The following MTOR variants were observed in gnomAD, a reference collection of about 807,000 sequenced individuals.
The protein encoded by MTOR is mechanistic target of rapamycin kinase, also known as serine/threonine-protein kinase mTOR.
In MTOR, 70 loss-of-function variants were observed where a neutral mutation model predicts 319.8. That is an observed-to-expected ratio of 0.22 (90% CI 0.18 to 0.27). MTOR has a LOEUF of 0.27. Among genes scored for constraint, MTOR ranks in the 10% least tolerant of loss-of-function variants. MTOR has a pLI of 1.00. For synonymous variants in MTOR, 1,183 were observed against 1,211.4 expected (o/e 0.98, Z 0.49); for missense variants, 1,890 against 3,274.4 (o/e 0.58, Z 10.32).
intron 28 of MTOR, chr1:11,192,464 A>T (rs1645579245): frequency 8.6e-7 from 1 of 1,160,438 alleles, no homozygotes; most frequent in African/African-American, 1.5e-5. Context: ...GTTTAAAGAA[A>T]GGAAAATTCG....
intron 29 of MTOR, among the ~76,000 whole-genome samples, chr1:11,157,687 C>T (rs1053458981): frequency 7.9e-5 from 12 of 152,134 alleles, no homozygotes; most frequent in Non-Finnish European, 1.5e-4. Context: ...GCCATCGCTC[C>T]GATCTGCTGG....
At chr1:11,244,685 G>A (rs891724221) in intron 8 of MTOR, among the ~76,000 whole-genome samples, 6 of 152,296 alleles carry the variant, frequency 3.9e-5, no homozygotes, top group Admixed American at 6.5e-5. Context: ...ACTTAACAAC[G>A]TTTGGGTTAA....
intron 28 of MTOR, chr1:11,194,397 G>T (rs1645691953): frequency 6.8e-7 from 1 of 1,480,034 alleles, no homozygotes; most frequent in African/African-American, 1.4e-5. Flanking sequence ...GGAGAGAAGG[G>T]GTATAGAGAC....
At position 11,212,314 on chromosome 1, in the gene MTOR, T is replaced by G; in HGVS notation, c.3559A>C (p.Lys1187Gln). The change falls in exon 23 of 58, where the codon AAG becomes CAG. Residue 1187 changes from lysine to glutamine, a missense_variant and splice_region_variant. Around this residue, in one of 15 missense-constraint regions of MTOR, gnomAD observed 115 missense variants for 105.7 expected, o/e 1.09. Transcript: ENST00000361445. This position sits in a 1 kb window ranked among gnomAD's most constrained non-coding sequence, Gnocchi z 4.1. ...LSSLVFQLGK[K>Q]YQIFIPMVNK... Reference sequence around the variant, plus strand: ...GTCTGTCCAGACTCCCATCTTACCTTCTTCCCCAGCTGAAAAACAAGTGAA... The same window carrying G: ...GTCTGTCCAGACTCCCATCTTACCTGCTTCCCCAGCTGAAAAACAAGTGAA... 6.2e-7 allele frequency: 1 copy of G among 1,613,282 alleles called. No individual in the cohort carries two copies. Among genetic ancestry groups the G allele is most frequent in the Non-Finnish European group, 8.5e-7 (1 of 1,179,588 alleles).
At chr1:11,243,347 G>T (rs1277150927) in intron 8 of MTOR, 47 bp from the exon 9 acceptor site, 1 of 1,561,438 alleles carries the variant, frequency 6.4e-7, no homozygotes, top group Non-Finnish European at 8.7e-7. Flanking sequence ...CAGGGTTAGG[G>T]TCTACATATC....
At position 11,203,361 on chromosome 1, in the gene MTOR, A is replaced by T. The variant is rs1332839383; in HGVS notation, c.3944+1200T>A. Among the ~76,000 whole-genome samples the T allele has an allele frequency of 2.6e-5, 4 of 152,362 alleles. No individual in the cohort carries two copies. In the East Asian group the frequency reaches 7.7e-4, roughly 29 times the overall value. On this transcript the variant is annotated intron_variant, in intron 26 of 57. Transcript: ENST00000361445. The stretch of plus-strand genomic sequence containing the variant: ...GAAATATCACATGTACTTTGAAAAT[A>T]TATGTACATCTATTATGTATCAATA...
At chr1:11,156,147 C>T (rs372550640) in intron 30 of MTOR, among the ~76,000 whole-genome samples, 27 of 152,124 alleles carry the variant, frequency 1.8e-4, no homozygotes, top group Non-Finnish European at 2.5e-4. Flanking sequence ...TGCAACACCA[C>T]GTCCAACTAA....
intron 26 of MTOR, among the ~76,000 whole-genome samples, chr1:11,202,490 A>AAAT (rs1646007403): frequency 1.3e-5 from 2 of 151,810 alleles, no homozygotes; most frequent in East Asian, 3.9e-4. Flanking sequence ...GAGGGATGAG[A>AAAT]AATTACCTGA....
intron 28 of MTOR, among the ~76,000 whole-genome samples, chr1:11,179,611 T>C (rs757666187): frequency 1.3e-5 from 2 of 152,220 alleles, no homozygotes; most frequent in Non-Finnish European, 2.9e-5. Flanking sequence ...TGAAGAGCCT[T>C]CCCTGGGGTT....
chr1:11,261,497 G>A (rs748136867), intron 1 of MTOR, among the ~76,000 whole-genome samples: 1 of 151,866 alleles, frequency 6.6e-6, no homozygotes, highest in Non-Finnish European at 1.5e-5. Flanking sequence ...ACACCAATTA[G>A]TTCCTGAGCT....
At chr1:11,230,341 A>C (rs1413975647) in intron 18 of MTOR, among the ~76,000 whole-genome samples, 1 of 151,988 alleles carries the variant, frequency 6.6e-6, no homozygotes, top group Non-Finnish European at 1.5e-5. Flanking sequence ...AATTGCTTGA[A>C]CTCGGGAGGC....
chr1:11,152,009 C>T (rs112759812), intron 30 of MTOR, among the ~76,000 whole-genome samples: 1,648 of 152,338 alleles, frequency 0.011, 15 homozygotes, highest in Non-Finnish European at 0.015. Context: ...GTAGGAACAG[C>T]AACTCAGAAG....
Position 11,114,906 on chromosome 1 carries a change from G to C in MTOR, c.7090-19C>G. 6.2e-7 allele frequency: 1 copy of C among 1,609,848 alleles called. No individual in the cohort carries two copies. The highest frequency in any genetic ancestry group is 8.5e-7 in the Non-Finnish European group (1 of 1,176,226). Reference sequence around the variant, plus strand: ...TAGCAACCTACAGAATAATAAATGGGAAAAGCCAAATCAATGTTTATTTTC... The same window carrying C: ...TAGCAACCTACAGAATAATAAATGGCAAAAGCCAAATCAATGTTTATTTTC... On this transcript the variant is annotated intron_variant, in intron 51 of 57. Transcript: ENST00000361445.
intron 28 of MTOR, among the ~76,000 whole-genome samples, chr1:11,193,061 C>T (rs1422281154): frequency 1.3e-5 from 2 of 152,016 alleles, no homozygotes. Flanking sequence ...ACCTGTAATC[C>T]CAAGTTTTTT....
chr1:11,178,358 T>C (rs950419066), intron 28 of MTOR, among the ~76,000 whole-genome samples: 7 of 152,104 alleles, frequency 4.6e-5, no homozygotes, highest in Admixed American at 4.6e-4. Context: ...AACCCCAGAA[T>C]GTCAAAGCAC....
chr1:11,221,488 T>C (rs901698831), intron 19 of MTOR, among the ~76,000 whole-genome samples: 9 of 151,768 alleles, frequency 5.9e-5, no homozygotes, highest in Non-Finnish European at 1.2e-4. Flanking sequence ...AATATATATA[T>C]ATGTATGTAA....
chr1:11,258,628 T>C, intron 2 of MTOR, 35 bp from the exon 3 acceptor site: 2 of 1,514,798 alleles, frequency 1.3e-6, no homozygotes, highest in Non-Finnish European at 1.8e-6. Context: ...CAATTTCTAA[T>C]AATTCTCTAA....
At chr1:11,189,404 A>G (rs1156866701) in intron 28 of MTOR, 1 of 784,964 alleles carries the variant, frequency 1.3e-6, no homozygotes, top group Non-Finnish European at 2.0e-6. Flanking sequence ...CCTGTCAGAG[A>G]CTCAAGCTTT....
chr1:11,207,526 A>G (rs1009230697), intron 25 of MTOR, among the ~76,000 whole-genome samples: 1 of 146,326 alleles, frequency 6.8e-6, no homozygotes, highest in East Asian at 2.0e-4. Flanking sequence ...CTCCTGCCTC[A>G]GTCTCCTGAG....
Sources: gnomAD v4.1 joint callset for allele counts (sites outside exome capture counted in the v4.1 genomes callset) on GRCh38, gnomAD v4.1.1 for gene constraint, gnomAD v4.1.1 regional missense constraint, Gnocchi (gnomAD v3.1) non-coding constraint, MANE v1.5 for transcripts, NCBI Gene and HGNC (gene_info 2026-07-23, HGNC 2026-07-21) for gene names.